Variants in CIRSR observed in about 807,000 individuals in gnomAD.
CIRSR encodes the protein corepressor of RBPJ and splicing regulator.
the CIRSR span, among the ~76,000 whole-genome samples, chr2:174,365,605 AAGG>A: frequency 6.6e-6 from 1 of 152,370 alleles, no homozygotes; most frequent in Non-Finnish European, 1.5e-5. Context: ...GATGGAAGGC[AAGG>A]AGGAGCAAGT....
the CIRSR span, among the ~76,000 whole-genome samples, chr2:174,365,097 G>C: frequency 6.6e-6 from 1 of 152,100 alleles, no homozygotes; most frequent in Non-Finnish European, 1.5e-5. Flanking sequence ...GTCAACTCCT[G>C]AATGCTCTGC....
the CIRSR span, among the ~76,000 whole-genome samples, chr2:174,357,848 G>A: frequency 2.6e-5 from 4 of 152,270 alleles, no homozygotes; most frequent in Admixed American, 2.6e-4. Context: ...AGTGAACAAA[G>A]CTATTAATAA....
chr2:174,384,012 AATTCC>A, the CIRSR span, among the ~76,000 whole-genome samples: 2 of 152,188 alleles, frequency 1.3e-5, no homozygotes, highest in African/African-American at 4.8e-5. Context: ...GTGATCCAGC[AATTCC>A]ACTCCTAGGT....
At chr2:174,386,619 T>C in the CIRSR span, among the ~76,000 whole-genome samples, 1 of 152,138 alleles carries the variant, frequency 6.6e-6, no homozygotes, top group Non-Finnish European at 1.5e-5. Context: ...AGCACCCCAG[T>C]CCGCAGTTGT....
At chr2:174,359,246 TG>T in the CIRSR span, among the ~76,000 whole-genome samples, 1 of 151,552 alleles carries the variant, frequency 6.6e-6, no homozygotes, top group East Asian at 1.9e-4. Context: ...GTGATGGCAA[TG>T]CTCTGTATCT....
At chr2:174,367,372 G>A in the CIRSR span, among the ~76,000 whole-genome samples, 2 of 152,152 alleles carry the variant, frequency 1.3e-5, no homozygotes, top group East Asian at 3.9e-4. Context: ...GAGGTCAAGA[G>A]ATCGAGACCA....
At chr2:174,348,372 G>A in the CIRSR span, 1 of 1,429,924 alleles carries the variant, frequency 7.0e-7, no homozygotes, top group Non-Finnish European at 9.2e-7. Context: ...AATTAAAATT[G>A]AGCTTTTTTA....
At chr2:174,348,469 C>G in the CIRSR span, 1 of 1,566,122 alleles carries the variant, frequency 6.4e-7, no homozygotes, top group African/African-American at 1.4e-5. Context: ...GTAATTGTCA[C>G]ATACAGTCTT....
chr2:174,391,311 G>A, the CIRSR span, among the ~76,000 whole-genome samples: 11 of 152,162 alleles, frequency 7.2e-5, no homozygotes, highest in Non-Finnish European at 1.3e-4. Flanking sequence ...AAAATAGAAC[G>A]TAAGTAGTTC....
At chr2:174,373,942 A>G in the CIRSR span, among the ~76,000 whole-genome samples, 1 of 152,188 alleles carries the variant, frequency 6.6e-6, no homozygotes, top group East Asian at 1.9e-4. Context: ...GGTTTCACCA[A>G]ACTTTCAGAT....
At chr2:174,395,201 A>AGTACAAAGTACTACTTTGTACAG in the CIRSR span, among the ~76,000 whole-genome samples, 1 of 152,208 alleles carries the variant, frequency 6.6e-6, no homozygotes. Flanking sequence ...TTTGTACAGA[A>AGTACAAAGTACTACTTTGTACAG]AAGTAGAGTT....
the CIRSR span, among the ~76,000 whole-genome samples, chr2:174,373,474 AAT>A: frequency 2.6e-5 from 4 of 152,226 alleles, no homozygotes; most frequent in African/African-American, 9.6e-5. Context: ...TGTGACAGTC[AAT>A]GTTTGAAAAG....
the CIRSR span, among the ~76,000 whole-genome samples, chr2:174,356,603 G>A: frequency 6.2e-4 from 21 of 33,930 alleles, no homozygotes; most frequent in South Asian, 0.024. Flanking sequence ...GGGAGGGAGG[G>A]AAGAAGGAAG....
the CIRSR span, among the ~76,000 whole-genome samples, chr2:174,383,244 T>C: frequency 3.3e-5 from 5 of 151,950 alleles, no homozygotes; most frequent in Admixed American, 6.6e-5. Context: ...TGCTGAGAGG[T>C]AGAAGGAGAA....
the CIRSR span, among the ~76,000 whole-genome samples, chr2:174,360,004 G>A: frequency 1.3e-5 from 2 of 152,134 alleles, no homozygotes; most frequent in African/African-American, 2.4e-5. Context: ...GGTAGGAATT[G>A]AACAATGAGA....
chr2:174,389,279 T>C, the CIRSR span, among the ~76,000 whole-genome samples: 2 of 152,194 alleles, frequency 1.3e-5, no homozygotes, highest in East Asian at 1.9e-4. Flanking sequence ...TAGAGACTTG[T>C]TGAATGGCTT....
the CIRSR span, chr2:174,348,549 A>T: frequency 6.2e-7 from 1 of 1,613,706 alleles, no homozygotes; most frequent in Non-Finnish European, 8.5e-7. Flanking sequence ...CTCTCTGTAC[A>T]TTTTTTCTCC....
chr2:174,361,334 A>G, the CIRSR span, among the ~76,000 whole-genome samples: 1 of 152,246 alleles, frequency 6.6e-6, no homozygotes, highest in East Asian at 1.9e-4. Flanking sequence ...AAGGAGTTGC[A>G]TAAGGGAACT....
the CIRSR span, among the ~76,000 whole-genome samples, chr2:174,389,222 T>C: frequency 6.6e-6 from 1 of 152,134 alleles, no homozygotes; most frequent in African/African-American, 2.4e-5. Flanking sequence ...TCCTAGAGAA[T>C]TGGAGTGCTC....
Sources: allele counts gnomAD v4.1 joint callset (sites outside exome capture counted in the v4.1 genomes callset), GRCh38; gene constraint gnomAD v4.1.1; transcripts MANE v1.5; gene names NCBI Gene and HGNC (gene_info 2026-07-23, HGNC 2026-07-21).